The following PPFIA1 variants were observed in gnomAD, a reference collection of about 807,000 sequenced individuals.
The protein encoded by PPFIA1 is liprin-alpha-1.
In PPFIA1, 25 loss-of-function variants were observed where a neutral mutation model predicts 149.9. The observed-to-expected ratio is 0.17, with a 90% CI of 0.12 to 0.23. The LOEUF (loss-of-function observed/expected upper bound fraction) is 0.23. Ranked by LOEUF, PPFIA1 falls within the 10% of genes least tolerant of loss-of-function variation. PPFIA1 has a pLI of 1.00. For missense variants in PPFIA1, 1,362 were observed against 1,506.5 expected (o/e 0.90, Z 1.59); for synonymous variants, 549 against 552.8 (o/e 0.99, Z 0.10).
At chr11:70,312,438 A>C (rs1428228684) in intron 2 of PPFIA1, among the ~76,000 whole-genome samples, 1 of 151,914 alleles carries the variant, frequency 6.6e-6, no homozygotes, top group East Asian at 1.9e-4. Flanking sequence ...TGATCCTCCC[A>C]CCCGAGCCCC....
chr11:70,354,941 T>C lies in PPFIA1; in HGVS notation c.2315+489T>C, dbSNP rs1315824190. Among the ~76,000 whole-genome samples, 5 of 151,974 alleles carry C rather than the reference T, an allele frequency of 3.3e-5. No individual in the cohort carries two copies. The East Asian group carries it at 9.7e-4, about 29-fold the overall frequency. On this transcript the variant is annotated intron_variant, in intron 17 of 27. Coordinates refer to ENST00000253925, the MANE Select transcript of PPFIA1 (RefSeq NM_003626.5). ...TACTAGTATGCTATCTATGCTATCT[T>C]TTTTTTTCTTTTTGAGATAGAGTCT... is the stretch of plus-strand genomic sequence containing the variant.
intron 15 of PPFIA1, chr11:70,345,925 G>A: frequency 2.3e-6 from 1 of 430,806 alleles, no homozygotes; most frequent in South Asian, 1.6e-5. Context: ...ACAGAACACT[G>A]GAGCTCTTCA....
chr11:70,299,556 T>G (rs573014245), intron 2 of PPFIA1, among the ~76,000 whole-genome samples: 4 of 152,286 alleles, frequency 2.6e-5, no homozygotes, highest in African/African-American at 9.6e-5. Flanking sequence ...TGGGGTCTTC[T>G]TCCCTTCTGG....
At chr11:70,346,156 GC>G (rs2055690638) in intron 15 of PPFIA1, 1 of 325,262 alleles carries the variant, frequency 3.1e-6, no homozygotes, top group African/African-American at 2.2e-5. Flanking sequence ...GGTAAACCCT[GC>G]CCACGCTGGC....
At chr11:70,305,272 A>G (rs1000792502) in intron 2 of PPFIA1, among the ~76,000 whole-genome samples, 2 of 152,240 alleles carry the variant, frequency 1.3e-5, no homozygotes, top group African/African-American at 4.8e-5. Flanking sequence ...TTTGAAATGC[A>G]TGTGATAGAA....
At chr11:70,314,021 T>C (rs1235300429) in intron 2 of PPFIA1, among the ~76,000 whole-genome samples, 2 of 152,084 alleles carry the variant, frequency 1.3e-5, no homozygotes, top group South Asian at 4.1e-4. Flanking sequence ...GTGTCTCAAA[T>C]AGAAATTTTA....
chr11:70,335,996 T>C (rs932449604), intron 11 of PPFIA1, among the ~76,000 whole-genome samples: 3 of 152,298 alleles, frequency 2.0e-5, no homozygotes, highest in Non-Finnish European at 4.4e-5. Flanking sequence ...TTAGTAGTTA[T>C]GAGTAATTAA....
Position 70,324,394 on chromosome 11 carries a change from T to C in PPFIA1, c.265-8T>C. On this transcript the variant is annotated splice_polypyrimidine_tract_variant and splice_region_variant and intron_variant, in intron 2 of 27. Transcript: ENST00000253925. Reference sequence around the variant, plus strand: ...TTATTTATTTAATTTTGTTTTGTGATTTTCTAGGAGTTCGCAGCACTTACT... The same window carrying C: ...TTATTTATTTAATTTTGTTTTGTGACTTTCTAGGAGTTCGCAGCACTTACT... 2 of 1,589,626 alleles carry C rather than the reference T, an allele frequency of 1.3e-6. No homozygotes were observed. The highest frequency in any genetic ancestry group is 1.7e-6 in the Non-Finnish European group (2 of 1,165,428).
intron 2 of PPFIA1, among the ~76,000 whole-genome samples, chr11:70,292,693 A>T (rs1486947136): frequency 6.6e-6 from 1 of 152,152 alleles, no homozygotes; most frequent in African/African-American, 2.4e-5. Flanking sequence ...AAGCCTCGTG[A>T]CAGTGCTATA....
At chr11:70,324,586 C>T in intron 3 of PPFIA1, 83 bp downstream of exon 3, 2 of 1,185,038 alleles carry the variant, frequency 1.7e-6, no homozygotes, top group Non-Finnish European at 2.5e-6. Context: ...AAAGGACGAC[C>T]CACTCTGTCT....
chr11:70,325,382 ATTATG>A (rs1348175367), intron 4 of PPFIA1, 113 bp from the exon 5 acceptor site: 14 of 525,316 alleles, frequency 2.7e-5, no homozygotes, highest in South Asian at 4.4e-5. Flanking sequence ...ATGGTATTTT[ATTATG>A]TTATATTACA....
chr11:70,318,684 G>T (rs530566841), intron 2 of PPFIA1, among the ~76,000 whole-genome samples: 8 of 152,088 alleles, frequency 5.3e-5, no homozygotes, highest in Non-Finnish European at 1.0e-4. Flanking sequence ...GTTTTGACCC[G>T]CCACTGCAGC....
chr11:70,310,951 C>T (rs1314667610), intron 2 of PPFIA1, among the ~76,000 whole-genome samples: 1 of 152,078 alleles, frequency 6.6e-6, no homozygotes, highest in African/African-American at 2.4e-5. Flanking sequence ...GGTTGTTCAC[C>T]CTTGGGAGCA....
In PPFIA1 at chr11:70,330,292, T is replaced by G; in HGVS notation, c.1050T>G (p.Ile350Met). 1 of 1,586,682 alleles carries G rather than the reference T, an allele frequency of 6.3e-7. No individual in the cohort carries two copies. ...TCAATGATAAACTTGAAAATGAAATTGCAAATAAAGATTCTATGCATCGAC... is the reference window on the plus strand; with the variant it reads ...TCAATGATAAACTTGAAAATGAAATGGCAAATAAAGATTCTATGCATCGAC... ...HDLNDKLENE[I>M]ANKDSMHRQT... The change falls in exon 8 of 28, where the codon ATT (isoleucine) becomes ATG (methionine). Residue 350 changes from isoleucine to methionine, a missense_variant. By Grantham distance (10) the Ile-to-Met change is conservative. This residue lies in a region of PPFIA1 where 733 missense variants were observed against 744.1 expected (regional missense o/e 0.99). Coordinates refer to ENST00000253925, the MANE Select transcript of PPFIA1 (RefSeq NM_003626.5).
In PPFIA1 at chr11:70,362,126, G is replaced by A; in HGVS notation, c.2614G>A (p.Gly872Ser). The change falls in exon 20 of 28, where the codon GGT becomes AGT. Residue 872 changes from glycine (G) to serine (S), a missense_variant. Coordinates refer to ENST00000253925, the MANE Select transcript of PPFIA1 (RefSeq NM_003626.5). ...ATTGCTGGAGGAAGCCCGGAGACAA[G>A]GTTTACCTTTTGCCCAATGGGACGG... ...HELLEEARRQ[G>S]LPFAQWDGPT... The A allele has an allele frequency of 6.2e-7, 1 of 1,614,196 alleles. No homozygotes were observed. Among genetic ancestry groups the A allele is most frequent in the Non-Finnish European group, 8.5e-7 (1 of 1,180,038 alleles).
intron 2 of PPFIA1, among the ~76,000 whole-genome samples, chr11:70,310,387 T>TTC (rs2053177956): frequency 1.0e-5 from 1 of 95,844 alleles, no homozygotes; most frequent in Non-Finnish European, 1.9e-5. Flanking sequence ...TCCATGTACT[T>TTC]TTTTTTTTTT....
intron 2 of PPFIA1, among the ~76,000 whole-genome samples, chr11:70,314,478 T>G (rs1012468019): frequency 6.6e-6 from 1 of 152,200 alleles, no homozygotes; most frequent in Non-Finnish European, 1.5e-5. Context: ...TTTTTTGTTT[T>G]TAATACTAAG....
intron 2 of PPFIA1, among the ~76,000 whole-genome samples, chr11:70,278,163 C>T (rs188070629): frequency 6.6e-6 from 1 of 151,482 alleles, no homozygotes; most frequent in Non-Finnish European, 1.5e-5. Context: ...CCCTCGTCAG[C>T]CTCCCAAAGT....
intron 19 of PPFIA1, among the ~76,000 whole-genome samples, chr11:70,361,389 C>T (rs558174884): frequency 1.4e-4 from 21 of 152,134 alleles, no homozygotes; most frequent in African/African-American, 3.1e-4. Flanking sequence ...CAATACCCAA[C>T]GGAATGTAAG....
Sources: allele counts gnomAD v4.1 joint callset (sites outside exome capture counted in the v4.1 genomes callset), GRCh38; gene constraint gnomAD v4.1.1; regional missense constraint gnomAD v4.1.1; transcripts MANE v1.5; gene names NCBI Gene and HGNC (gene_info 2026-07-23, HGNC 2026-07-21).